WIPI2: variants seen among roughly 807,000 people sequenced by gnomAD.
WIPI2 encodes WD repeat domain phosphoinositide-interacting protein 2.
Under a neutral mutation model 52.3 loss-of-function variants are expected in WIPI2, and 28 were observed. The ratio of observed to expected loss-of-function variants is 0.54; its 90% CI spans 0.40 to 0.73. The LOEUF is 0.73. Among genes scored for constraint, WIPI2 ranks in the 30% least tolerant of loss-of-function variants. WIPI2 has a pLI of 0.00. For synonymous variants in WIPI2, 268 were observed against 245.0 expected (o/e 1.09, Z -0.88); for missense variants, 506 against 602.9 (o/e 0.84, Z 1.68).
At chr7:5,196,891 C>A (rs772754593) in intron 2 of WIPI2, among the ~76,000 whole-genome samples, 37 of 151,872 alleles carry the variant, frequency 2.4e-4, no homozygotes, top group Non-Finnish European at 2.9e-4. Context: ...GCAAGTGGAT[C>A]ACCTAAGGTC....
At chr7:5,229,386 G>T in intron 11 of WIPI2, 1 of 437,836 alleles carries the variant, frequency 2.3e-6, no homozygotes, top group Non-Finnish European at 4.1e-6. Context: ...GTGAAATATT[G>T]TCTTGTTAGG....
intron 7 of WIPI2, among the ~76,000 whole-genome samples, chr7:5,222,106 C>T (rs1226173759): frequency 2.0e-5 from 3 of 152,158 alleles, no homozygotes; most frequent in Non-Finnish European, 4.4e-5. Flanking sequence ...TGCGCCACCA[C>T]ACCCAGCTAA....
At chr7:5,209,914 T>C (rs1048910232) in intron 3 of WIPI2, among the ~76,000 whole-genome samples, 10 of 152,132 alleles carry the variant, frequency 6.6e-5, no homozygotes, top group Non-Finnish European at 1.5e-4. Flanking sequence ...TTGTTTTGTT[T>C]TTTTGGTTTT....
chr7:5,192,317 G>C (rs1390160064), intron 1 of WIPI2, among the ~76,000 whole-genome samples: 2 of 152,196 alleles, frequency 1.3e-5, no homozygotes, highest in African/African-American at 4.8e-5. Flanking sequence ...GTAAGAAATG[G>C]TAGTAGTAGT....
At chr7:5,225,790 C>T (rs773885676) in intron 8 of WIPI2, 33 bp from the exon 9 acceptor site, 12 of 1,552,756 alleles carry the variant, frequency 7.7e-6, no homozygotes, top group East Asian at 2.3e-5. Context: ...CTGCTGGCTC[C>T]GGTGGCCCGC....
At chr7:5,220,894 A>G (rs1303304352) in intron 7 of WIPI2, among the ~76,000 whole-genome samples, 1 of 151,754 alleles carries the variant, frequency 6.6e-6, no homozygotes, top group Non-Finnish European at 1.5e-5. Context: ...CTGGGGCTCA[A>G]GCGATTCTCG....
In WIPI2 at chr7:5,233,087, AGC is replaced by A. The variant is rs1450409908; in HGVS notation, c.*2141_*2142del. ...GGTGCGTTCCCTGCAGACCACGGGAAGCCCTGTGCTTGCCTGGGTCAGGGCTA... is the reference window on the plus strand; with the variant it reads ...GGTGCGTTCCCTGCAGACCACGGGAACCTGTGCTTGCCTGGGTCAGGGCTA... On this transcript the variant is annotated 3_prime_UTR_variant, in exon 13 of 13. Transcript: ENST00000288828. The A allele has an allele frequency of 6.6e-6, 1 of 152,318 alleles. No homozygotes were observed. Among genetic ancestry groups the A allele is most frequent in the Non-Finnish European group, 1.5e-5 (1 of 68,078 alleles). The allele number at this position is 152,318 out of a possible 1,614,324, so 9.4% of individuals were successfully genotyped here.
chr7:5,203,063 G>A (rs1562388785), intron 3 of WIPI2, among the ~76,000 whole-genome samples: 1 of 152,164 alleles, frequency 6.6e-6, no homozygotes, highest in Admixed American at 6.5e-5. Flanking sequence ...ACTACAGCCT[G>A]CGTTGATTAT....
At chr7:5,213,649 C>T (rs747576923) in intron 3 of WIPI2, among the ~76,000 whole-genome samples, 14 of 147,284 alleles carry the variant, frequency 9.5e-5, no homozygotes, top group Non-Finnish European at 1.2e-4. Context: ...CAATTGCCTA[C>T]GGGGCTTTTC....
intron 9 of WIPI2, 97 bp downstream of exon 9, chr7:5,226,027 T>A: frequency 8.2e-7 from 1 of 1,223,888 alleles, no homozygotes; most frequent in Non-Finnish European, 1.2e-6. Context: ...GCCCACCCTC[T>A]GACATCGTTA....
chr7:5,206,733 AACACACAC>A (rs113374050), intron 3 of WIPI2, among the ~76,000 whole-genome samples: 1 of 150,840 alleles, frequency 6.6e-6, no homozygotes, highest in Admixed American at 6.6e-5. Context: ...TACTTGTCCT[AACACACAC>A]ACACACACAG....
In WIPI2 at chr7:5,231,703, AATG is replaced by A. The variant is rs1041083058; in HGVS notation, c.*759_*761del. 6.5e-6 allele frequency: 1 copy of A among 153,378 alleles called. No homozygotes were observed. The highest frequency in any genetic ancestry group is 1.5e-5 in the Non-Finnish European group (1 of 68,904). 9.5% of individuals were successfully genotyped at this position (153,378 alleles called of 1,614,324 possible). On this transcript the variant is annotated 3_prime_UTR_variant, in exon 13 of 13. Coordinates refer to ENST00000288828, the MANE Select transcript of WIPI2 (RefSeq NM_015610.4). ...GAAAGCGATTTTGTTTGTATAATTA[AATG>A]ATCTGTTCTTCTACTTCACTCTTCC...
chr7:5,208,940 T>C (rs771450929), intron 3 of WIPI2, among the ~76,000 whole-genome samples: 1 of 152,070 alleles, frequency 6.6e-6, no homozygotes, highest in Non-Finnish European at 1.5e-5. Context: ...GTTAATAATA[T>C]TGAGTACCCA....
intron 7 of WIPI2, chr7:5,218,793 T>A (rs1782949121): frequency 6.6e-6 from 1 of 152,204 alleles, no homozygotes; most frequent in Non-Finnish European, 1.5e-5. Context: ...TGTGCCTCTC[T>A]TTTCGTTTCA....
At chr7:5,218,295 AG>A (rs1378490369) in intron 7 of WIPI2, 5 of 332,926 alleles carry the variant, frequency 1.5e-5, no homozygotes, top group Non-Finnish European at 2.8e-5. Context: ...CCGCTCACCC[AG>A]TGTGTTTCTA....
Position 5,218,073 on chromosome 7 carries a change from T to A in WIPI2, c.669+59T>A. 1.9e-6 allele frequency: 3 copies of A among 1,570,150 alleles called. No homozygotes were observed. In the South Asian group the frequency reaches 3.3e-5, roughly 17 times the overall value. On this transcript the variant is annotated intron_variant, in intron 7 of 12. Coordinates refer to ENST00000288828, the MANE Select transcript of WIPI2 (RefSeq NM_015610.4). ...CCAAGGCGTCCACAGACTTTTTCAG[T>A]TCTGTTCACACAGCCACCTTAGAGG...
intron 3 of WIPI2, among the ~76,000 whole-genome samples, chr7:5,200,947 C>G (rs1333087672): frequency 1.3e-5 from 2 of 152,208 alleles, no homozygotes; most frequent in East Asian, 3.8e-4. Context: ...AGGTTTTACT[C>G]CTTTCTTTGT....
At chr7:5,212,208 C>T (rs1782594269) in intron 3 of WIPI2, among the ~76,000 whole-genome samples, 2 of 152,082 alleles carry the variant, frequency 1.3e-5, no homozygotes, top group African/African-American at 4.8e-5. Flanking sequence ...GTGGTGCAGC[C>T]GTGAATGGGC....
At chr7:5,193,710 G>A (rs116266653) in intron 2 of WIPI2, among the ~76,000 whole-genome samples, 115 of 152,266 alleles carry the variant, frequency 7.6e-4, no homozygotes, top group African/African-American at 2.7e-3. Flanking sequence ...CGAGAAACCG[G>A]GACTACAGGC....
Sources: gnomAD v4.1 joint callset for allele counts (sites outside exome capture counted in the v4.1 genomes callset) on GRCh38, gnomAD v4.1.1 for gene constraint, MANE v1.5 for transcripts, NCBI Gene and HGNC (gene_info 2026-07-23, HGNC 2026-07-21) for gene names.